TSHR: variants seen among roughly 807,000 people sequenced by gnomAD.
TSHR encodes the protein thyrotropin receptor.
In TSHR, 51 loss-of-function variants were observed where a neutral mutation model predicts 64.1. The observed-to-expected ratio is 0.80, with a 90% CI of 0.64 to 1.01. TSHR has a LOEUF of 1.01. Ranked by LOEUF, TSHR falls within the 50% of genes least tolerant of loss-of-function variation. The pLI is 0.00. For missense variants in TSHR, 877 were observed against 942.8 expected (o/e 0.93, Z 0.91); for synonymous variants, 361 against 361.9 (o/e 1.00, Z 0.03).
At chr14:80,980,920 C>G (rs563351913) in intron 1 of TSHR, among the ~76,000 whole-genome samples, 3 of 152,168 alleles carry the variant, frequency 2.0e-5, no homozygotes, top group African/African-American at 7.2e-5. Context: ...TTTCGGTTGT[C>G]TGTTCTGTTT....
intron 7 of TSHR, among the ~76,000 whole-genome samples, chr14:81,100,620 A>T (rs1266695064): frequency 1.3e-5 from 2 of 152,232 alleles, no homozygotes; most frequent in Admixed American, 6.5e-5. Flanking sequence ...CTTCTGACTG[A>T]CCAATTATAA....
chr14:81,036,411 A>G (rs1884628181), intron 1 of TSHR, among the ~76,000 whole-genome samples: 1 of 152,224 alleles, frequency 6.6e-6, no homozygotes, highest in South Asian at 2.1e-4. Flanking sequence ...ACTGCAGGCC[A>G]AGAAAGAACC....
intron 1 of TSHR, among the ~76,000 whole-genome samples, chr14:81,016,708 T>C (rs1482677510): frequency 6.6e-6 from 1 of 152,132 alleles, no homozygotes; most frequent in Non-Finnish European, 1.5e-5. Flanking sequence ...CTTTTCCCCA[T>C]TGTTTTCTTC....
intron 1 of TSHR, chr14:80,958,365 A>G (rs1886822241): frequency 6.6e-6 from 1 of 152,196 alleles, no homozygotes; most frequent in Non-Finnish European, 1.5e-5. Flanking sequence ...TTTGAATATC[A>G]TATCATCAAC....
intron 1 of TSHR, chr14:81,033,334 G>A: frequency 3.1e-6 from 1 of 324,766 alleles, no homozygotes; most frequent in Non-Finnish European, 6.0e-6. Context: ...AGTGAAGACA[G>A]TGAAGACAGC....
At chr14:81,051,880 G>T (rs553496464) in intron 1 of TSHR, 1 of 152,040 alleles carries the variant, frequency 6.6e-6, no homozygotes, top group Non-Finnish European at 1.5e-5. Flanking sequence ...TTTTTAATAC[G>T]AGTATATGTT....
At position 81,144,684 on chromosome 14, in the gene TSHR, T is replaced by C. The variant is rs952751607; in HGVS notation, c.*331T>C. 12 of 335,988 alleles carry C rather than the reference T, an allele frequency of 3.6e-5. No individual in the cohort carries two copies. The highest frequency in any genetic ancestry group is 1.3e-4 in the Admixed American group (3 of 22,700). 20.8% of individuals were successfully genotyped at this position (335,988 alleles called of 1,614,324 possible). ...AAATATTAACTGAGCTATGTCAATA[T>C]AGAGCTTCTCAGTTTTGTATAACAT... On this transcript the variant is annotated 3_prime_UTR_variant, in exon 10 of 10. Transcript: ENST00000298171.
intron 1 of TSHR, among the ~76,000 whole-genome samples, chr14:81,009,779 C>T (rs1889810000): frequency 6.6e-6 from 1 of 152,000 alleles, no homozygotes; most frequent in African/African-American, 2.4e-5. Context: ...TCCATTTCCC[C>T]TATGATGAGC....
intron 8 of TSHR, among the ~76,000 whole-genome samples, chr14:81,139,247 G>T (rs1360594231): frequency 6.6e-6 from 1 of 152,162 alleles, no homozygotes; most frequent in East Asian, 1.9e-4. Context: ...ATATCAGTGA[G>T]CAGTTTATCA....
chr14:80,999,193 C>A (rs190649518), intron 1 of TSHR, among the ~76,000 whole-genome samples: 1 of 152,306 alleles, frequency 6.6e-6, no homozygotes. Context: ...CTTTTGAATA[C>A]ATAGGGTAAA....
chr14:81,055,187 A>G (rs1885696365), intron 1 of TSHR, among the ~76,000 whole-genome samples: 1 of 152,042 alleles, frequency 6.6e-6, no homozygotes, highest in East Asian at 1.9e-4. Flanking sequence ...TGCAAGCCCC[A>G]AGCCTTGGCA....
At chr14:81,038,694 T>C (rs1188126143) in intron 1 of TSHR, among the ~76,000 whole-genome samples, 1 of 149,388 alleles carries the variant, frequency 6.7e-6, no homozygotes, top group Non-Finnish European at 1.5e-5. Flanking sequence ...TAAGAGACAA[T>C]TATGTTGTGC....
chr14:81,110,850 G>A (rs1890194198), intron 8 of TSHR, among the ~76,000 whole-genome samples: 2 of 152,004 alleles, frequency 1.3e-5, no homozygotes, highest in East Asian at 3.9e-4. Flanking sequence ...AAAATAAACT[G>A]AACCAAAAGC....
intron 8 of TSHR, among the ~76,000 whole-genome samples, chr14:81,123,491 T>C (rs971046991): frequency 3.3e-5 from 5 of 152,230 alleles, no homozygotes; most frequent in African/African-American, 1.2e-4. Flanking sequence ...AAGTGCTCAA[T>C]AAATATTGGA....
At chr14:81,126,345 A>G (rs1891019533) in intron 8 of TSHR, among the ~76,000 whole-genome samples, 2 of 152,186 alleles carry the variant, frequency 1.3e-5, no homozygotes, top group Admixed American at 6.5e-5. Flanking sequence ...AAAGATTTTT[A>G]CTTTAAATAA....
chr14:81,070,567 A>G (rs1478300586), intron 3 of TSHR, among the ~76,000 whole-genome samples: 1 of 135,482 alleles, frequency 7.4e-6, no homozygotes, highest in Non-Finnish European at 1.5e-5. Flanking sequence ...GAGAGGTTGC[A>G]GTGAGCTGAG....
At chr14:81,046,756 G>A (rs773494295) in intron 1 of TSHR, among the ~76,000 whole-genome samples, 3 of 152,020 alleles carry the variant, frequency 2.0e-5, no homozygotes, top group Non-Finnish European at 4.4e-5. Context: ...ATGATACCAG[G>A]ACATATCATA....
At chr14:81,060,585 G>A (rs1440282232) in intron 1 of TSHR, among the ~76,000 whole-genome samples, 2 of 152,028 alleles carry the variant, frequency 1.3e-5, no homozygotes, top group Non-Finnish European at 2.9e-5. Flanking sequence ...TCTTTCTGAT[G>A]CTTTGATTAG....
intron 8 of TSHR, chr14:81,108,769 G>A (rs1302478084): frequency 1.2e-6 from 2 of 1,602,594 alleles, no homozygotes; most frequent in Admixed American, 1.7e-5. Context: ...TGAAATGCAA[G>A]ATCCACAACT....
Sources: allele counts gnomAD v4.1 joint callset (sites outside exome capture counted in the v4.1 genomes callset), GRCh38; gene constraint gnomAD v4.1.1; transcripts MANE v1.5; gene names NCBI Gene and HGNC (gene_info 2026-07-23, HGNC 2026-07-21).